The following PRELID2 variants were observed in gnomAD, a reference collection of about 807,000 sequenced individuals.
PRELID2 encodes the protein PRELI domain containing 2, also known as PRELI domain-containing protein 2.
PRELID2 carries 25 observed loss-of-function variants against 28.4 expected under a neutral mutation model. That is an observed-to-expected ratio of 0.88 (90% CI 0.64 to 1.23). PRELID2 has a LOEUF of 1.23. Among genes scored for constraint, PRELID2 ranks in the 50% most tolerant of loss-of-function variants. PRELID2 has a pLI of 0.00. For missense variants in PRELID2, 201 were observed against 214.4 expected (o/e 0.94, Z 0.39); for synonymous variants, 76 against 71.6 (o/e 1.06, Z -0.31).
intron 1 of PRELID2, among the ~76,000 whole-genome samples, chr5:145,747,892 A>G (rs1757033353): frequency 6.6e-6 from 1 of 152,200 alleles, no homozygotes; most frequent in South Asian, 2.1e-4. Context: ...ACATAAACAG[A>G]ACCAAAGACA....
At chr5:145,753,792 G>A (rs1757187075), downstream of PRELID2, among the ~76,000 whole-genome samples, 1 of 152,192 alleles carries the variant, frequency 6.6e-6, no homozygotes, top group Non-Finnish European at 1.5e-5. Flanking sequence ...CCAATTGGCA[G>A]CTAAGGTATA....
At chr5:145,564,555 C>G (rs1227049367) in intron 1 of PRELID2, among the ~76,000 whole-genome samples, 1 of 152,072 alleles carries the variant, frequency 6.6e-6, no homozygotes, top group African/African-American at 2.4e-5. Flanking sequence ...CAAAGCAGAA[C>G]CCTCTCCTTA....
the PRELID2 span, among the ~76,000 whole-genome samples, chr5:145,373,276 T>A: frequency 5.4e-4 from 26 of 48,194 alleles, no homozygotes; most frequent in African/African-American, 1.9e-3. Flanking sequence ...ATAATATATA[T>A]GATATATATT....
intron 1 of PRELID2, among the ~76,000 whole-genome samples, chr5:145,530,868 A>T (rs1752649283): frequency 6.6e-6 from 1 of 152,110 alleles, no homozygotes; most frequent in African/African-American, 2.4e-5. Context: ...CATGCCATGT[A>T]AGTAGGCCGC....
intron 1 of PRELID2, among the ~76,000 whole-genome samples, chr5:145,670,588 G>C (rs561443374): frequency 8.9e-4 from 135 of 152,186 alleles, no homozygotes; most frequent in Non-Finnish European, 1.6e-3. Context: ...AAACAAACTA[G>C]AGAACCTAAC....
At chr5:145,793,578 AAAAAGT>A (rs1418122282) in intron 5 of PRELID2, among the ~76,000 whole-genome samples, 2 of 152,204 alleles carry the variant, frequency 1.3e-5, no homozygotes, top group African/African-American at 4.8e-5. Context: ...CTTCGAAAAG[AAAAAGT>A]AAGTCAGAAA....
At chr5:145,355,601 A>G in the PRELID2 span, among the ~76,000 whole-genome samples, 3 of 152,288 alleles carry the variant, frequency 2.0e-5, no homozygotes, top group South Asian at 4.1e-4. Context: ...ATGTTTACCT[A>G]TGTTCACAGG....
the PRELID2 span, among the ~76,000 whole-genome samples, chr5:145,265,238 A>ATAAAC: frequency 5.3e-5 from 8 of 152,074 alleles, no homozygotes; most frequent in South Asian, 1.7e-3. Flanking sequence ...ATAAAATAAA[A>ATAAAC]TACTTAGGAA....
At chr5:145,410,860 C>G in the PRELID2 span, among the ~76,000 whole-genome samples, 1 of 152,128 alleles carries the variant, frequency 6.6e-6, no homozygotes, top group Non-Finnish European at 1.5e-5. Context: ...CTCATTTCAG[C>G]TTTAACCCAA....
At chr5:145,718,685 G>A (rs1055905086) in intron 1 of PRELID2, among the ~76,000 whole-genome samples, 7 of 151,742 alleles carry the variant, frequency 4.6e-5, no homozygotes, top group East Asian at 3.9e-4. Context: ...ATAGACCAAC[G>A]GAACAGAATA....
the PRELID2 span, among the ~76,000 whole-genome samples, chr5:145,299,635 ATGTGTGTGCGTGTGTG>A: frequency 1.1e-4 from 12 of 107,614 alleles, no homozygotes; most frequent in African/African-American, 3.4e-4. Context: ...CTACATATAT[ATGTGTGTGCGTGTGTG>A]TGTGTGTGTG....
At chr5:145,448,997 G>C in the PRELID2 span, among the ~76,000 whole-genome samples, 1 of 152,024 alleles carries the variant, frequency 6.6e-6, no homozygotes, top group Non-Finnish European at 1.5e-5. Context: ...AAAAAGCTAG[G>C]GACATATAGA....
chr5:145,766,255 G>A (rs1757753761), intron 5 of PRELID2, among the ~76,000 whole-genome samples: 2 of 152,070 alleles, frequency 1.3e-5, no homozygotes, highest in Non-Finnish European at 2.9e-5. Flanking sequence ...ATGATAAGGG[G>A]AACTTAAAAT....
chr5:145,269,245 A>ATT, the PRELID2 span, among the ~76,000 whole-genome samples: 1 of 152,110 alleles, frequency 6.6e-6, no homozygotes, highest in African/African-American at 2.4e-5. Flanking sequence ...ACATGCGGAG[A>ATT]TTTACTGCAA....
intron 1 of PRELID2, among the ~76,000 whole-genome samples, chr5:145,651,094 C>T (rs1754288473): frequency 6.6e-6 from 1 of 152,220 alleles, no homozygotes; most frequent in South Asian, 2.1e-4. Context: ...TAGCAAACGG[C>T]ACACCAGGAG....
At chr5:145,832,111 T>C (rs1755629833) in intron 1 of PRELID2, among the ~76,000 whole-genome samples, 2 of 152,216 alleles carry the variant, frequency 1.3e-5, no homozygotes, top group African/African-American at 4.8e-5. Flanking sequence ...CAGGTCCACT[T>C]AGCTGAGCAA....
At chr5:145,677,551 T>C (rs2149686886) in intron 1 of PRELID2, among the ~76,000 whole-genome samples, 1 of 152,092 alleles carries the variant, frequency 6.6e-6, no homozygotes, top group South Asian at 2.1e-4. Context: ...AATCTAGAGG[T>C]AGAGGGGTTA....
At chr5:145,433,782 T>C in the PRELID2 span, among the ~76,000 whole-genome samples, 1 of 152,168 alleles carries the variant, frequency 6.6e-6, no homozygotes, top group African/African-American at 2.4e-5. Flanking sequence ...GCAACTTCTC[T>C]TTGTTTCCTA....
chr5:145,449,791 T>C, the PRELID2 span, among the ~76,000 whole-genome samples: 2 of 152,136 alleles, frequency 1.3e-5, no homozygotes, highest in African/African-American at 2.4e-5. Context: ...ATTGTCATTA[T>C]AATTGAAAAA....
Sources: gnomAD v4.1 joint callset for allele counts (sites outside exome capture counted in the v4.1 genomes callset) on GRCh38, gnomAD v4.1.1 for gene constraint, MANE v1.5 for transcripts, NCBI Gene and HGNC (gene_info 2026-07-23, HGNC 2026-07-21) for gene names.